Variants in PIWIL3 observed in about 807,000 individuals in gnomAD.
PIWIL3 encodes the protein piwi like RNA-mediated gene silencing 3, also known as piwi-like protein 3.
PIWIL3 carries 101 observed loss-of-function variants against 109.7 expected under a neutral mutation model. The ratio of observed to expected loss-of-function variants is 0.92; its 90% confidence interval spans 0.78 to 1.09. The LOEUF (loss-of-function observed/expected upper bound fraction) is 1.09. PIWIL3 is among the 50% of genes least tolerant of loss of function. The probability of loss-of-function intolerance (pLI) is 0.00; values close to 1 mark genes in which losing one functional copy is unlikely to be tolerated. For missense variants in PIWIL3, 1,031 were observed against 1,072.6 expected (o/e 0.96, Z 0.54); for synonymous variants, 373 against 376.4 (o/e 0.99, Z 0.10).
intron 14 of PIWIL3, among the ~76,000 whole-genome samples, chr22:24,729,210 T>TCCC (rs1451967123): frequency 2.0e-5 from 3 of 152,096 alleles, no homozygotes; most frequent in Non-Finnish European, 4.4e-5. Context: ...AGCTTTTGTG[T>TCCC]TTAACTGTAA....
At position 24,762,538 on chromosome 22, in the gene PIWIL3, T is replaced by C. The variant is rs201453206; in HGVS notation, c.-22-17A>G. ...GTGATGACCCTGAAGAATACAGTTATATTAGACATCTCTGTGGAGTTGCCT... is the reference window on the plus strand; with the variant it reads ...GTGATGACCCTGAAGAATACAGTTACATTAGACATCTCTGTGGAGTTGCCT... On this transcript the variant is annotated splice_polypyrimidine_tract_variant and intron_variant, in intron 1 of 20. Transcript: ENST00000616349. The C allele has an allele frequency of 1.3e-6, 2 of 1,581,458 alleles. No homozygotes were observed. The highest frequency in any genetic ancestry group is 1.7e-6 in the Non-Finnish European group (2 of 1,165,116).
At chr22:24,742,333 C>T (rs187532049) in intron 12 of PIWIL3, among the ~76,000 whole-genome samples, 2 of 151,862 alleles carry the variant, frequency 1.3e-5, no homozygotes, top group Non-Finnish European at 1.5e-5. Context: ...AAGCAATCTA[C>T]AAATTCAGTG....
intron 2 of PIWIL3, among the ~76,000 whole-genome samples, chr22:24,760,780 C>CA (rs61469163): frequency 0.054 from 2,201 of 40,584 alleles, 231 homozygotes; most frequent in African/African-American, 0.14. Flanking sequence ...AACTCTGTCT[C>CA]AAAAAAAAAA....
chr22:24,735,255 T>C (rs13055256), intron 13 of PIWIL3, among the ~76,000 whole-genome samples: 6,719 of 152,118 alleles, frequency 0.044, 231 homozygotes, highest in Middle Eastern at 0.1. Flanking sequence ...TACTGTAAAC[T>C]ATGGACTTTG....
chr22:24,762,141 A>C lies in PIWIL3; in HGVS notation c.102+257T>G, dbSNP rs16978928. ...ATTGGCTGAAGCCAAGAAATCTAGAAACCTTTGCATCCACTTTGGGCTGAA... is the reference window on the plus strand; with the variant it reads ...ATTGGCTGAAGCCAAGAAATCTAGACACCTTTGCATCCACTTTGGGCTGAA... On this transcript the variant is annotated intron_variant, in intron 2 of 20. Transcript: ENST00000616349. Among the ~76,000 whole-genome samples, 67 of 152,260 alleles carry C rather than the reference A, an allele frequency of 4.4e-4. 1 individual carries two copies. In the East Asian group the frequency reaches 0.013, roughly 29 times the overall value.
chr22:24,760,096 T>G, intron 2 of PIWIL3, 107 bp from the exon 3 acceptor site: 1 of 1,445,000 alleles, frequency 6.9e-7, no homozygotes, highest in Non-Finnish European at 9.4e-7. Flanking sequence ...TCTGAAAAGC[T>G]CACATTCCAG....
chr22:24,750,779 C>T (rs1277365650), intron 9 of PIWIL3, among the ~76,000 whole-genome samples: 2 of 150,148 alleles, frequency 1.3e-5, no homozygotes, highest in South Asian at 2.1e-4. Context: ...TGAGCCACTG[C>T]GCCCGGCCCA....
intron 1 of PIWIL3, among the ~76,000 whole-genome samples, chr22:24,766,099 C>T (rs1019830374): frequency 4.6e-5 from 7 of 151,038 alleles, no homozygotes; most frequent in Non-Finnish European, 8.8e-5. Flanking sequence ...AATCCTCCCA[C>T]TTCGGCCTCC....
intron 2 of PIWIL3, chr22:24,761,952 A>C (rs1293551602): frequency 1.0e-6 from 1 of 987,028 alleles, no homozygotes; most frequent in Non-Finnish European, 1.2e-6. Flanking sequence ...CCGCAGCGCC[A>C]CTATGGATCC....
chr22:24,737,876 G>A (rs1923757269), intron 12 of PIWIL3, among the ~76,000 whole-genome samples: 1 of 152,148 alleles, frequency 6.6e-6, no homozygotes, highest in East Asian at 1.9e-4. Flanking sequence ...AGAAAGAGAA[G>A]GGGGCCGGGC....
intron 2 of PIWIL3, among the ~76,000 whole-genome samples, chr22:24,761,345 T>C (rs888769489): frequency 6.6e-6 from 1 of 152,020 alleles, no homozygotes; most frequent in Admixed American, 6.6e-5. Context: ...TGGTCAGTGA[T>C]GAAGGAGGTA....
At position 24,751,426 on chromosome 22, in the gene PIWIL3, T is replaced by C; in HGVS notation, c.1050A>G (p.Ser350=). ...CTATATAGGTGATTTTGCTGCCATCTGATTTGTTAAATGTGTCTTCAGGAT... is the reference window on the plus strand; with the variant it reads ...CTATATAGGTGATTTTGCTGCCATCCGATTTGTTAAATGTGTCTTCAGGAT... ...KQNPEDTFNK[S]DGSKITYIDY... Residue 350 remains serine, a synonymous_variant, in exon 9 of 21, where the codon TCA becomes TCG. Coordinates refer to ENST00000616349, the MANE Select transcript of PIWIL3 (RefSeq NM_001255975.1). 2 of 1,614,038 alleles carry C rather than the reference T, an allele frequency of 1.2e-6. No homozygotes were observed. The highest frequency in any genetic ancestry group is 1.7e-6 in the Non-Finnish European group (2 of 1,179,982).
Position 24,762,510 on chromosome 22 carries a change from A to G in PIWIL3, c.-11T>C, listed in dbSNP as rs754809903. 6.2e-7 allele frequency: 1 copy of G among 1,609,416 alleles called. No homozygotes were observed. Among genetic ancestry groups the G allele is most frequent in the Non-Finnish European group, 8.5e-7 (1 of 1,178,392 alleles). On this transcript the variant is annotated 5_prime_UTR_variant, in exon 2 of 21. Transcript: ENST00000616349. ...TGCCCTACCAGGCATTGTGGTCCTG[A>G]AGGTGATGACCCTGAAGAATACAGT...
chr22:24,738,037 G>A (rs991233508), intron 12 of PIWIL3, among the ~76,000 whole-genome samples: 1 of 152,160 alleles, frequency 6.6e-6, no homozygotes, highest in African/African-American at 2.4e-5. Flanking sequence ...TGTAATCCCA[G>A]CTACTTGGGA....
intron 12 of PIWIL3, among the ~76,000 whole-genome samples, chr22:24,747,979 C>G (rs1924471591): frequency 6.6e-6 from 1 of 152,146 alleles, no homozygotes; most frequent in South Asian, 2.1e-4. Flanking sequence ...GATATCTGTA[C>G]TTCCATGTTT....
intron 16 of PIWIL3, among the ~76,000 whole-genome samples, chr22:24,726,981 A>T (rs1372886520): frequency 6.6e-6 from 1 of 152,218 alleles, no homozygotes; most frequent in East Asian, 1.9e-4. Context: ...AACAGAAAAT[A>T]AAAGGGCCCT....
intron 14 of PIWIL3, among the ~76,000 whole-genome samples, chr22:24,732,825 A>T (rs1923433498): frequency 6.6e-6 from 1 of 152,206 alleles, no homozygotes; most frequent in African/African-American, 2.4e-5. Context: ...TCAAAAAAAA[A>T]GAAAAGGTAA....
chr22:24,746,290 AT>A (rs1569104583), intron 12 of PIWIL3, among the ~76,000 whole-genome samples: 1 of 152,182 alleles, frequency 6.6e-6, no homozygotes, highest in African/African-American at 2.4e-5. Flanking sequence ...GCAAATCAAC[AT>A]GATATATCCA....
chr22:24,728,901 A>G (rs1378427355), intron 14 of PIWIL3, among the ~76,000 whole-genome samples: 11 of 152,262 alleles, frequency 7.2e-5, no homozygotes, highest in African/African-American at 2.4e-4. Flanking sequence ...AGGAGAAAGG[A>G]AAAAAACAAA....
Sources: gnomAD v4.1 joint callset for allele counts (sites outside exome capture counted in the v4.1 genomes callset) on GRCh38, gnomAD v4.1.1 for gene constraint, MANE v1.5 for transcripts, NCBI Gene and HGNC (gene_info 2026-07-23, HGNC 2026-07-21) for gene names.